ABLIM3: variants seen among roughly 807,000 people sequenced by gnomAD.
ABLIM3 encodes the protein actin binding LIM protein family member 3, also known as actin-binding LIM protein 3.
ABLIM3 carries 61 observed loss-of-function variants against 109.5 expected under a neutral mutation model. The observed-to-expected ratio is 0.56, with a 90% confidence interval of 0.45 to 0.69. The LOEUF is 0.69. Ranked by LOEUF, ABLIM3 falls within the 30% of genes least tolerant of loss-of-function variation. The probability of loss-of-function intolerance (pLI) is 0.00; values close to 1 mark genes in which losing one functional copy is unlikely to be tolerated. For synonymous variants in ABLIM3, 300 were observed against 324.8 expected (o/e 0.92, Z 0.82); for missense variants, 796 against 889.5 (o/e 0.89, Z 1.34).
At chr5:149,176,624 A>C (rs1173035676) in intron 2 of ABLIM3, among the ~76,000 whole-genome samples, 1 of 152,232 alleles carries the variant, frequency 6.6e-6, no homozygotes, top group African/African-American at 2.4e-5. Flanking sequence ...TCCCCTCTTG[A>C]GTTACGAGGG....
intron 2 of ABLIM3, among the ~76,000 whole-genome samples, chr5:149,159,995 C>A (rs971346177): frequency 6.6e-6 from 1 of 152,114 alleles, no homozygotes; most frequent in Non-Finnish European, 1.5e-5. Flanking sequence ...GATTACCTGT[C>A]CCCACCCCTT....
At chr5:149,177,590 TA>T (rs1389815172) in intron 2 of ABLIM3, among the ~76,000 whole-genome samples, 1 of 152,034 alleles carries the variant, frequency 6.6e-6, no homozygotes, top group East Asian at 1.9e-4. Context: ...CCTCCAGAGA[TA>T]GGGGGAGAAA....
intron 23 of ABLIM3, among the ~76,000 whole-genome samples, chr5:149,254,466 G>A (rs192866634): frequency 7.2e-5 from 11 of 152,268 alleles, no homozygotes; most frequent in Admixed American, 3.3e-4. Flanking sequence ...GTCAGAAAAC[G>A]TTTGTGGGAT....
At chr5:149,247,397 A>G (rs1382615642) in intron 17 of ABLIM3, among the ~76,000 whole-genome samples, 2 of 152,230 alleles carry the variant, frequency 1.3e-5, no homozygotes, top group East Asian at 3.8e-4. Flanking sequence ...CAACATTGTG[A>G]ATGCACTGAA....
Position 149,247,841 on chromosome 5 carries a change from C to T in ABLIM3, c.1611C>T (p.Ser537=), listed in dbSNP as rs775468563. 6.2e-7 allele frequency: 1 copy of T among 1,614,274 alleles called. No individual in the cohort carries two copies. Among genetic ancestry groups the T allele is most frequent in the Non-Finnish European group, 8.5e-7 (1 of 1,180,058 alleles). Residue 537 remains serine (S), a synonymous_variant, in exon 18 of 24, where the codon TCC becomes TCT. Coordinates refer to ENST00000309868, the MANE Select transcript of ABLIM3 (RefSeq NM_014945.5). ...LKEEMKARSS[S]YADPWTPPRS... Reference sequence around the variant, plus strand: ...AAGAAATGAAGGCCCGGTCGAGCTCCTATGCAGATCCCTGGACCCCTCCCC... The same window carrying T: ...AAGAAATGAAGGCCCGGTCGAGCTCTTATGCAGATCCCTGGACCCCTCCCC...
At chr5:149,254,068 G>A (rs1472487734) in intron 23 of ABLIM3, among the ~76,000 whole-genome samples, 1 of 152,038 alleles carries the variant, frequency 6.6e-6, no homozygotes, top group Admixed American at 6.6e-5. Flanking sequence ...ACTACCAGGA[G>A]AACAGTATAT....
chr5:149,252,684 A>C (rs1346505311), intron 22 of ABLIM3, 73 bp from the exon 23 acceptor site: 11 of 1,140,870 alleles, frequency 9.6e-6, no homozygotes, highest in African/African-American at 1.5e-5. Flanking sequence ...GAGAGCCCAG[A>C]CACAAAATGT....
Position 149,240,743 on chromosome 5 carries a change from T to C in ABLIM3, c.1272T>C (p.Ser424=). 6.2e-7 allele frequency: 1 copy of C among 1,614,118 alleles called. No individual in the cohort carries two copies. Among genetic ancestry groups the C allele is most frequent in the Non-Finnish European group, 8.5e-7 (1 of 1,180,014 alleles). The change falls in exon 14 of 24, where the codon TCT becomes TCC. Residue 424 remains serine, a synonymous_variant. Transcript: ENST00000309868. ...QLDVRSSTPT[S]YQAPKHFHIP... is the part of the protein sequence containing the mutation. ...ATGTGAGGTCCTCCACTCCAACCTC[T>C]TACCAGGCTCCCAAGCACTTTCACA...
intron 2 of ABLIM3, among the ~76,000 whole-genome samples, chr5:149,146,690 C>G (rs1367392257): frequency 2.0e-5 from 3 of 152,188 alleles, no homozygotes; most frequent in African/African-American, 7.2e-5. Flanking sequence ...GTTTTTGTAG[C>G]AGTACCATGC....
intron 2 of ABLIM3, chr5:149,164,035 A>G (rs894386032): frequency 6.6e-6 from 1 of 152,010 alleles, no homozygotes; most frequent in Non-Finnish European, 1.5e-5. Flanking sequence ...ATTATTTTTT[A>G]TTGCCCACCC....
intron 9 of ABLIM3, among the ~76,000 whole-genome samples, chr5:149,230,989 G>C (rs1373784747): frequency 6.6e-6 from 1 of 152,198 alleles, no homozygotes; most frequent in African/African-American, 2.4e-5. Context: ...TGCTGACCAA[G>C]ATGGCAGCCT....
chr5:149,223,577 A>G (rs1163357919), intron 8 of ABLIM3, among the ~76,000 whole-genome samples: 3 of 152,144 alleles, frequency 2.0e-5, no homozygotes, highest in African/African-American at 4.8e-5. Context: ...CGTGAGCACC[A>G]TCAGGTGGTT....
Position 149,258,570 on chromosome 5 carries a change from CCTTA to C in ABLIM3, c.*170_*173del. 7.2e-7 allele frequency: 1 copy of C among 1,379,656 alleles called. No individual in the cohort carries two copies. The highest frequency in any genetic ancestry group is 2.8e-5 in the East Asian group (1 of 36,232). The allele number at this position is 1,379,656 out of a possible 1,614,324, so 85.5% of individuals were successfully genotyped here. A position where few individuals can be genotyped will look rare whatever the true frequency, so the allele number is the denominator to read the frequency against. On this transcript the variant is annotated 3_prime_UTR_variant, in exon 24 of 24. Coordinates refer to ENST00000309868, the MANE Select transcript of ABLIM3 (RefSeq NM_014945.5). ...CACGTCATCGAGATATTTTTATGCT[CCTTA>C]CTTTCTCTTTTCTAAGTGCTGTGGG... is the stretch of plus-strand genomic sequence containing the variant.
rs1343474511 is a variant in ABLIM3, at chr5:149,258,675, G to C, written c.*271G>C. 9.1e-7 allele frequency: 1 copy of C among 1,104,490 alleles called. No individual in the cohort carries two copies. Among genetic ancestry groups the C allele is most frequent in the African/African-American group, 1.6e-5 (1 of 60,776 alleles). The allele number at this position is 1,104,490 out of a possible 1,614,324, so 68.4% of individuals were successfully genotyped here. On this transcript the variant is annotated 3_prime_UTR_variant, in exon 24 of 24. Transcript: ENST00000309868. ...TATACTGAAACATCTGTCCTAACTT[G>C]AGTGCCCCAAGGTCCAACTCTCTTT...
intron 8 of ABLIM3, chr5:149,218,731 A>C (rs1760345328): frequency 6.6e-6 from 1 of 152,222 alleles, no homozygotes; most frequent in Non-Finnish European, 1.5e-5. Context: ...CAGTCACTAC[A>C]TGCTTCATAG....
At chr5:149,178,021 A>G (rs1272333638) in intron 2 of ABLIM3, among the ~76,000 whole-genome samples, 4 of 152,130 alleles carry the variant, frequency 2.6e-5, no homozygotes, top group African/African-American at 7.2e-5. Flanking sequence ...TCCAGCATCC[A>G]TTCCTTACCC....
At chr5:149,169,069 C>G (rs1285327025) in intron 2 of ABLIM3, among the ~76,000 whole-genome samples, 1 of 152,054 alleles carries the variant, frequency 6.6e-6, no homozygotes. Context: ...CTTCCCACCA[C>G]TGACTTTGCT....
chr5:149,143,067 A>G (rs940618890), intron 2 of ABLIM3, among the ~76,000 whole-genome samples: 4 of 152,118 alleles, frequency 2.6e-5, no homozygotes, highest in Non-Finnish European at 5.9e-5. Flanking sequence ...GGGTTGAATT[A>G]GAAAGCCTTC....
At chr5:149,171,520 C>A (rs758963830) in intron 2 of ABLIM3, among the ~76,000 whole-genome samples, 20 of 152,164 alleles carry the variant, frequency 1.3e-4, no homozygotes, top group Non-Finnish European at 2.5e-4. Context: ...AGAGGCAGAG[C>A]CTGCATTTGA....
Sources: gnomAD v4.1 joint callset for allele counts (sites outside exome capture counted in the v4.1 genomes callset) on GRCh38, gnomAD v4.1.1 for gene constraint, MANE v1.5 for transcripts, NCBI Gene and HGNC (gene_info 2026-07-23, HGNC 2026-07-21) for gene names.